Variants in MPV17 observed in about 807,000 individuals in gnomAD.
MPV17 encodes mitochondrial inner membrane protein MPV17.
Under a neutral mutation model 28.6 loss-of-function variants are expected in MPV17, and 31 were observed. The observed-to-expected ratio is 1.08, with a 90% CI of 0.81 to 1.46. The LOEUF is 1.46. Ranked by LOEUF, MPV17 falls within the 40% of genes most tolerant of loss-of-function variation. The pLI, the probability that MPV17 is intolerant of heterozygous loss-of-function variation, is 0.00. For missense variants in MPV17, 198 were observed against 216.2 expected (o/e 0.92, Z 0.53); for synonymous variants, 87 against 85.3 (o/e 1.02, Z -0.11).
chr2:27,315,293 G>A (rs943388323), intron 2 of MPV17, among the ~76,000 whole-genome samples: 8 of 152,178 alleles, frequency 5.3e-5, no homozygotes, highest in Admixed American at 1.3e-4. Flanking sequence ...AGGACGTCGG[G>A]GGAACTGCAG....
intron 5 of MPV17, 53 bp from the exon 6 acceptor site, chr2:27,312,299 AC>A: frequency 6.3e-7 from 1 of 1,584,582 alleles, no homozygotes; most frequent in South Asian, 1.1e-5. Flanking sequence ...AGCAGCTCCC[AC>A]TTCCCAGTAT....
At chr2:27,312,335 C>CA in intron 5 of MPV17, 89 bp from the exon 6 acceptor site, 1 of 1,489,690 alleles carries the variant, frequency 6.7e-7, no homozygotes, top group East Asian at 2.3e-5. Context: ...GACTTGGGTT[C>CA]AAAGAGCACA....
At chr2:27,322,193 G>T in intron 2 of MPV17, 1 of 574,548 alleles carries the variant, frequency 1.7e-6, no homozygotes, top group Non-Finnish European at 3.1e-6. Flanking sequence ...TATCCTTCAG[G>T]GCTGACTGTT....
intron 2 of MPV17, chr2:27,315,794 C>T: frequency 2.9e-6 from 2 of 691,628 alleles, no homozygotes; most frequent in Non-Finnish European, 3.8e-6. Flanking sequence ...ACTCCTGACC[C>T]CAGGTGATCC....
At chr2:27,312,828 C>A in intron 3 of MPV17, 56 bp from the exon 4 acceptor site, 2 of 1,573,358 alleles carry the variant, frequency 1.3e-6, no homozygotes, top group Non-Finnish European at 1.7e-6. Flanking sequence ...TAGGCCTCTA[C>A]CTCACTAAGC....
Position 27,317,036 on chromosome 2 carries a change from A to G in MPV17, c.71-3927T>C, listed in dbSNP as rs2148220230. 6.6e-7 allele frequency: 1 copy of G among 1,507,554 alleles called. No individual in the cohort carries two copies. The highest frequency in any genetic ancestry group is 1.4e-5 in the African/African-American group (1 of 72,056). 93.4% of individuals were successfully genotyped at this position (1,507,554 alleles called of 1,614,324 possible). ...CCACACCCTCTTCCCGGGCATGGGCAGGGTAAATTCCCTACTTCTCCTATT... is the reference window on the plus strand; with the variant it reads ...CCACACCCTCTTCCCGGGCATGGGCGGGGTAAATTCCCTACTTCTCCTATT... On this transcript the variant is annotated intron_variant, in intron 2 of 7. Transcript: ENST00000380044. This position sits in a 1 kb window ranked among gnomAD's most constrained non-coding sequence, Gnocchi z 4.0.
chr2:27,309,770 C>T lies in MPV17; in HGVS notation c.*142G>A, dbSNP rs1679357301. 11 of 715,310 alleles carry T rather than the reference C, an allele frequency of 1.5e-5. 1 individual carries two copies. In the Admixed American group the frequency reaches 2.0e-4, roughly 13 times the overall value. The allele number at this position is 715,310 out of a possible 1,614,324, so 44.3% of individuals were successfully genotyped here. On this transcript the variant is annotated 3_prime_UTR_variant, in exon 8 of 8. Transcript: ENST00000380044. ...GTGTACATTTTAGAGTGAAGAGGGG[C>T]ATTGCAGGGTGCTAGTCCTCTTAAG...
chr2:27,321,051 A>G (rs56272648), intron 2 of MPV17, among the ~76,000 whole-genome samples: 231 of 152,302 alleles, frequency 1.5e-3, no homozygotes, highest in Middle Eastern at 0.014. Flanking sequence ...CTCCAGCCAC[A>G]TGTCGGCACC....
chr2:27,311,042 C>CTTTTTTTTTT (rs35806208), intron 7 of MPV17: 1 of 70,554 alleles, frequency 1.4e-5, no homozygotes, highest in Non-Finnish European at 2.5e-5. Context: ...TGTGTCCAGC[C>CTTTTTTTTTT]TTTTTTTTTT....
chr2:27,313,702 G>C (rs1277080370), intron 2 of MPV17, among the ~76,000 whole-genome samples: 1 of 152,148 alleles, frequency 6.6e-6, no homozygotes, highest in African/African-American at 2.4e-5. Flanking sequence ...TCTATTTGTA[G>C]AGAACAGCAA....
In MPV17 at chr2:27,311,889, TGCAACATACCTGTAATGA is replaced by T. The variant is rs1679454379; in HGVS notation, c.453_461+9del. The stretch of plus-strand genomic sequence containing the variant: ...TCTTCCTTGATGGGTGGGGTAGGGG[TGCAACATACCTGTAATGA>T]AGGGGGACCAGGTAGAAGTTGGCTA... On this transcript the variant is annotated splice_donor_variant and splice_donor_5th_base_variant and coding_sequence_variant and intron_variant, in exon 7 of 8. Coordinates refer to ENST00000380044, the MANE Select transcript of MPV17 (RefSeq NM_002437.5). LOFTEE classifies it high-confidence loss of function. The T allele has an allele frequency of 6.2e-7, 1 of 1,613,196 alleles. No homozygotes were observed. Among genetic ancestry groups the T allele is most frequent in the Admixed American group, 1.7e-5 (1 of 59,946 alleles).
At chr2:27,311,747 A>G in intron 7 of MPV17, 152 bp downstream of exon 7, 1 of 1,555,822 alleles carries the variant, frequency 6.4e-7, no homozygotes, top group Non-Finnish European at 8.7e-7. Context: ...GACATTCTGA[A>G]TAACACGCTT....
Position 27,309,927 on chromosome 2 carries a change from C to T in MPV17, c.516G>A (p.Lys172=), listed in dbSNP as rs768140934. 30 of 1,613,888 alleles carry T rather than the reference C, an allele frequency of 1.9e-5. No individual in the cohort carries two copies. The highest frequency in any genetic ancestry group is 2.4e-5 in the Non-Finnish European group (28 of 1,179,924). ...TGAGGCAGGCTTAGAGCCGATGTGC[C>T]TTCCAGGACAGGTAGGAGTTCCAGA... is the stretch of plus-strand genomic sequence containing the variant. ...AVIWNSYLSW[K]AHRL Residue 172 remains lysine (K), a synonymous_variant, in exon 8 of 8, where the codon AAG becomes AAA. Transcript: ENST00000380044.
In MPV17 at chr2:27,317,346, G is replaced by T; in HGVS notation, c.71-4237C>A. 1 of 956,796 alleles carries T rather than the reference G, an allele frequency of 1.0e-6. No homozygotes were observed. Among genetic ancestry groups the T allele is most frequent in the Non-Finnish European group, 1.5e-6 (1 of 672,562 alleles). The allele number at this position is 956,796 out of a possible 1,614,324, so 59.3% of individuals were successfully genotyped here. On this transcript the variant is annotated intron_variant, in intron 2 of 7. Transcript: ENST00000380044. The surrounding 1 kb of genome is among the most constrained non-coding windows in gnomAD (Gnocchi z 4.0). ...TGGATCCTCTGGGATTATTCTGAAT[G>T]CTCTCCCATTTCTGACCTGAACCCA... is the stretch of plus-strand genomic sequence containing the variant.
At chr2:27,319,917 C>T (rs1679792435) in intron 2 of MPV17, among the ~76,000 whole-genome samples, 1 of 146,966 alleles carries the variant, frequency 6.8e-6, no homozygotes, top group African/African-American at 2.5e-5. Flanking sequence ...CAGGGTGACA[C>T]CTTATCTCAA....
chr2:27,320,263 T>C (rs1679808380), intron 2 of MPV17, among the ~76,000 whole-genome samples: 1 of 151,188 alleles, frequency 6.6e-6, no homozygotes, highest in South Asian at 2.1e-4. Flanking sequence ...AAAAAAAATG[T>C]CCAAAACCTT....
intron 2 of MPV17, among the ~76,000 whole-genome samples, chr2:27,320,416 A>C (rs1679815338): frequency 6.6e-6 from 1 of 150,438 alleles, no homozygotes. Flanking sequence ...GGCTCACCGC[A>C]ACCTCTGCCT....
rs761079345 is a variant in MPV17 at position 27,312,387 on chromosome 2, G to A, written c.375+107C>T. On this transcript the variant is annotated intron_variant, in intron 5 of 7. Coordinates refer to ENST00000380044, the MANE Select transcript of MPV17 (RefSeq NM_002437.5). ...CTCAGCTCCTCTCCTCCATGGCCTG[G>A]GGCCCTACCTGCACTTACCCCCTTT... 9 of 1,433,248 alleles carry A rather than the reference G, an allele frequency of 6.3e-6. No homozygotes were observed. The African/African-American group carries it at 9.8e-5, about 16-fold the overall frequency. The allele number at this position is 1,433,248 out of a possible 1,614,324, so 88.8% of individuals were successfully genotyped here. A position where few individuals can be genotyped will look rare whatever the true frequency, so the allele number is the denominator to read the frequency against.
chr2:27,319,844 T>C (rs1256045103), intron 2 of MPV17, among the ~76,000 whole-genome samples: 1 of 150,360 alleles, frequency 6.7e-6, no homozygotes, highest in Non-Finnish European at 1.5e-5. Context: ...GATAATTGCT[T>C]GAACCCAGGA....
Sources: allele counts gnomAD v4.1 joint callset (sites outside exome capture counted in the v4.1 genomes callset), GRCh38; gene constraint gnomAD v4.1.1; non-coding constraint Gnocchi (gnomAD v3.1); transcripts MANE v1.5; gene names NCBI Gene and HGNC (gene_info 2026-07-23, HGNC 2026-07-21).